WDR64: variants seen among roughly 807,000 people sequenced by gnomAD.
WDR64 encodes WD repeat domain 64.
In WDR64, 112 loss-of-function variants were observed where a neutral mutation model predicts 139.3. The ratio of observed to expected loss-of-function variants is 0.80; its 90% CI spans 0.69 to 0.94. The LOEUF is 0.94. WDR64 is among the 40% of genes least tolerant of loss of function. The pLI, the probability that WDR64 is intolerant of heterozygous loss-of-function variation, is 0.00. For missense variants in WDR64, 1,206 were observed against 1,293.1 expected (o/e 0.93, Z 1.03); for synonymous variants, 444 against 437.7 (o/e 1.01, Z -0.18).
At chr1:241,783,702 T>C (rs1658932886) in intron 23 of WDR64, among the ~76,000 whole-genome samples, 1 of 152,190 alleles carries the variant, frequency 6.6e-6, no homozygotes, top group Middle Eastern at 3.2e-3. Flanking sequence ...ACCCAAGTCA[T>C]AGAGGGGGGC....
chr1:241,787,010 T>C (rs941372914), intron 23 of WDR64, among the ~76,000 whole-genome samples: 1 of 152,088 alleles, frequency 6.6e-6, no homozygotes, highest in African/African-American at 2.4e-5. Context: ...AAGTACAGAT[T>C]CAAACTAATA....
intron 8 of WDR64, among the ~76,000 whole-genome samples, chr1:241,688,577 A>G (rs1667096557): frequency 6.6e-6 from 1 of 152,194 alleles, no homozygotes; most frequent in Non-Finnish European, 1.5e-5. Context: ...AATGTAACAA[A>G]CTAAAAAATA....
chr1:241,661,725 A>G (rs1394164899), intron 2 of WDR64, among the ~76,000 whole-genome samples: 3 of 152,232 alleles, frequency 2.0e-5, no homozygotes, highest in East Asian at 1.9e-4. Context: ...AGGTGGTTCA[A>G]TATTAGAAAA....
chr1:241,794,409 C>T (rs1659296689), intron 25 of WDR64, among the ~76,000 whole-genome samples: 1 of 150,894 alleles, frequency 6.6e-6, no homozygotes, highest in African/African-American at 2.4e-5. Flanking sequence ...AGTAACTTAA[C>T]TGAAACACTA....
chr1:241,755,401 T>A (rs895717002), intron 14 of WDR64, among the ~76,000 whole-genome samples: 21 of 152,338 alleles, frequency 1.4e-4, no homozygotes, highest in African/African-American at 4.6e-4. Flanking sequence ...CTTCACCCAC[T>A]TGTTAATGGG....
At chr1:241,709,781 C>CAT (rs892165545) in intron 8 of WDR64, among the ~76,000 whole-genome samples, 2 of 152,058 alleles carry the variant, frequency 1.3e-5, no homozygotes, top group Admixed American at 1.3e-4. Flanking sequence ...TCTAGAAATT[C>CAT]ATATATATAC....
chr1:241,791,533 T>A (rs1258748324), intron 25 of WDR64, among the ~76,000 whole-genome samples: 1 of 151,938 alleles, frequency 6.6e-6, no homozygotes, highest in Non-Finnish European at 1.5e-5. Context: ...TAGCGGGGCA[T>A]GGTGACAGTC....
chr1:241,714,100 C>T (rs1421532990), intron 9 of WDR64, among the ~76,000 whole-genome samples: 1 of 152,114 alleles, frequency 6.6e-6, no homozygotes, highest in Non-Finnish European at 1.5e-5. Context: ...TGTCAGGGCT[C>T]CCTAGGCTAC....
intron 26 of WDR64, among the ~76,000 whole-genome samples, chr1:241,795,880 T>C (rs955122769): frequency 6.6e-6 from 1 of 152,192 alleles, no homozygotes; most frequent in Non-Finnish European, 1.5e-5. Context: ...CCTAAGAACA[T>C]GTTGTAACAG....
chr1:241,762,476 G>C (rs901350470), intron 15 of WDR64, among the ~76,000 whole-genome samples: 1 of 152,280 alleles, frequency 6.6e-6, no homozygotes, highest in Admixed American at 6.5e-5. Flanking sequence ...CTGAAGAATA[G>C]AGAATAAGAA....
chr1:241,681,086 T>TTC (rs113784729), intron 6 of WDR64, among the ~76,000 whole-genome samples: 6,850 of 150,392 alleles, frequency 0.046, 176 homozygotes, highest in Non-Finnish European at 0.054. Context: ...CTACAGCCTC[T>TTC]TCTCTCTCTC....
intron 2 of WDR64, among the ~76,000 whole-genome samples, chr1:241,668,659 C>T (rs1666111067): frequency 6.6e-6 from 1 of 151,954 alleles, no homozygotes; most frequent in South Asian, 2.1e-4. Context: ...ACCTGTAATC[C>T]CAGCACTTTG....
At position 241,791,667 on chromosome 1, in the gene WDR64, G is replaced by A. The variant is rs181852376; in HGVS notation, c.2997+971G>A. Among the ~76,000 whole-genome samples, 1,240 of 148,636 alleles carry A rather than the reference G, an allele frequency of 8.3e-3. 17 individuals carry two copies. The highest frequency in any genetic ancestry group is 0.029 in the African/African-American group (1,193 of 41,132). ...AGCTTGGGCGAAAGAGTGAGACCCTGTCTGGGGGAAAAAAAAAAAGAAAAA... is the reference window on the plus strand; with the variant it reads ...AGCTTGGGCGAAAGAGTGAGACCCTATCTGGGGGAAAAAAAAAAAGAAAAA... On this transcript the variant is annotated intron_variant, in intron 25 of 27. Transcript: ENST00000437684.
At chr1:241,771,944 A>ATATATATG (rs1658462333) in intron 19 of WDR64, among the ~76,000 whole-genome samples, 1 of 45,586 alleles carries the variant, frequency 2.2e-5, no homozygotes, top group Non-Finnish European at 3.7e-5. Flanking sequence ...ATACATACAT[A>ATATATATG]CATATATATA....
Position 241,801,255 on chromosome 1 carries a change from A to G in WDR64, c.*40A>G. The G allele has an allele frequency of 6.4e-7, 1 of 1,557,622 alleles. No homozygotes were observed. Among genetic ancestry groups the G allele is most frequent in the Non-Finnish European group, 8.9e-7 (1 of 1,129,276 alleles). The stretch of plus-strand genomic sequence containing the variant: ...AAATGGCTGCTGCACATAAAATGGC[A>G]ACGTTTGGATGATACCTGCTCTTTA... On this transcript the variant is annotated 3_prime_UTR_variant, in exon 28 of 28. Coordinates refer to ENST00000437684, the MANE Select transcript of WDR64 (RefSeq NM_001367482.1).
intron 8 of WDR64, among the ~76,000 whole-genome samples, chr1:241,711,441 G>A (rs1668164387): frequency 6.6e-6 from 1 of 151,960 alleles, no homozygotes; most frequent in Non-Finnish European, 1.5e-5. Context: ...TGTCCAAAAG[G>A]GTTCCTGGCA....
chr1:241,754,366 C>T (rs1216712009), intron 14 of WDR64, among the ~76,000 whole-genome samples: 1 of 123,628 alleles, frequency 8.1e-6, no homozygotes, highest in Non-Finnish European at 1.6e-5. Flanking sequence ...TGTCACCAGG[C>T]TGGAGTGCAG....
intron 24 of WDR64, among the ~76,000 whole-genome samples, chr1:241,789,282 C>A (rs1400943741): frequency 6.6e-6 from 1 of 152,160 alleles, no homozygotes; most frequent in East Asian, 1.9e-4. Context: ...AATGGGCCTT[C>A]TTCTGTAGAA....
chr1:241,704,806 A>G (rs1667869561), intron 8 of WDR64, among the ~76,000 whole-genome samples: 1 of 152,218 alleles, frequency 6.6e-6, no homozygotes, highest in Non-Finnish European at 1.5e-5. Flanking sequence ...AATTTCAGCT[A>G]ATGCCATTCT....
Sources: gnomAD v4.1 joint callset for allele counts (sites outside exome capture counted in the v4.1 genomes callset) on GRCh38, gnomAD v4.1.1 for gene constraint, MANE v1.5 for transcripts, NCBI Gene and HGNC (gene_info 2026-07-23, HGNC 2026-07-21) for gene names.